ZNF469: variants seen among roughly 807,000 people sequenced by gnomAD.
The protein encoded by ZNF469 is zinc finger protein 469.
In ZNF469, 1 loss-of-function variant was observed where a neutral mutation model predicts 1.0. The ratio of observed to expected loss-of-function variants is 1.00; its 90% confidence interval spans 0.35 to 4.73. ZNF469 has a LOEUF of 4.73. Ranked by LOEUF, ZNF469 falls within the 30% of genes most tolerant of loss-of-function variation. ZNF469 has a pLI of 0.16. For synonymous variants in ZNF469, 2,703 were observed against 2,363.4 expected (o/e 1.14, Z -4.17); for missense variants, 6,100 against 5,356.3 (o/e 1.14, Z -4.33).
chr16:88,229,062 C>T, the ZNF469 span, among the ~76,000 whole-genome samples: 3 of 152,278 alleles, frequency 2.0e-5, no homozygotes, highest in South Asian at 4.2e-4. Flanking sequence ...ATCACCTCCC[C>T]GGGACTGCAG....
chr16:88,117,076 G>A, the ZNF469 span, among the ~76,000 whole-genome samples: 5 of 152,128 alleles, frequency 3.3e-5, no homozygotes, highest in Admixed American at 2.6e-4. Context: ...GTGTTGGCAC[G>A]CCTGATGCTC....
the ZNF469 span, among the ~76,000 whole-genome samples, chr16:88,291,491 C>T: frequency 9.8e-5 from 15 of 152,326 alleles, no homozygotes; most frequent in East Asian, 1.7e-3. Context: ...CTCGTCTCTT[C>T]GCATCGGGCA....
the ZNF469 span, among the ~76,000 whole-genome samples, chr16:88,193,057 A>G: frequency 0.021 from 1,320 of 62,648 alleles, 9 homozygotes; most frequent in East Asian, 0.067. Flanking sequence ...GATGATGGTG[A>G]TGGTGGTGAT....
Position 88,433,263 on chromosome 16 carries a change from C to T in ZNF469, c.5793C>T (p.Ser1931=). The change falls in exon 3 of 3, where the codon AGC becomes AGT. Residue 1931 remains serine, a synonymous_variant. Transcript: ENST00000565624. ...GLQELTPAAQ[S]PPRVNPSGLE... is the part of the protein sequence containing the mutation. ...AGGAGCTGACACCTGCTGCCCAGAG[C>T]CCTCCACGAGTGAACCCCTCAGGTC... 1 of 1,550,352 alleles carries T rather than the reference C, an allele frequency of 6.5e-7. No individual in the cohort carries two copies. Among genetic ancestry groups the T allele is most frequent in the Non-Finnish European group, 8.7e-7 (1 of 1,146,956 alleles).
chr16:88,404,031 CAAAGCCCCCCGA>C (rs959755615), intron 1 of ZNF469, among the ~76,000 whole-genome samples: 2 of 152,232 alleles, frequency 1.3e-5, no homozygotes, highest in Non-Finnish European at 2.9e-5. Context: ...CCAGGGGGCC[CAAAGCCCCCCGA>C]CTGGTCAGCT....
chr16:88,307,305 G>A, the ZNF469 span, among the ~76,000 whole-genome samples: 40 of 152,220 alleles, frequency 2.6e-4, no homozygotes, highest in Non-Finnish European at 2.6e-4. Flanking sequence ...ATGAACATTT[G>A]TGTACCCGTT....
At chr16:88,250,461 C>T in the ZNF469 span, among the ~76,000 whole-genome samples, 1,163 of 152,262 alleles carry the variant, frequency 7.6e-3, 7 homozygotes, top group Non-Finnish European at 0.01. Context: ...CTGTTGTCGA[C>T]GGATTTGTTT....
the ZNF469 span, among the ~76,000 whole-genome samples, chr16:88,164,244 T>C: frequency 1.4e-5 from 2 of 145,190 alleles, no homozygotes; most frequent in Admixed American, 6.7e-5. Flanking sequence ...AGTGGATGAA[T>C]AGTTGGGTAG....
At chr16:88,263,696 A>G in the ZNF469 span, among the ~76,000 whole-genome samples, 1 of 152,060 alleles carries the variant, frequency 6.6e-6, no homozygotes, top group African/African-American at 2.4e-5. Flanking sequence ...GAGGACCCGT[A>G]GCCCCTTGCA....
At chr16:88,415,107 C>T (rs933450242) in intron 1 of ZNF469, among the ~76,000 whole-genome samples, 12 of 152,226 alleles carry the variant, frequency 7.9e-5, no homozygotes, top group African/African-American at 2.9e-4. Flanking sequence ...CTCTGAGCCT[C>T]GGTTTCTCGT....
chr16:88,208,779 G>GCACACACA, the ZNF469 span, among the ~76,000 whole-genome samples: 3 of 133,702 alleles, frequency 2.2e-5, no homozygotes, highest in Non-Finnish European at 4.8e-5. Flanking sequence ...GCGTGCGCGC[G>GCACACACA]CACACACACA....
At chr16:88,399,992 AT>A (rs1904809102) in intron 1 of ZNF469, among the ~76,000 whole-genome samples, 1 of 152,202 alleles carries the variant, frequency 6.6e-6, no homozygotes, top group African/African-American at 2.4e-5. Flanking sequence ...TGGACTCCTC[AT>A]TGGGAAAATG....
chr16:88,430,616 A>G lies in ZNF469; in HGVS notation c.3146A>G (p.Glu1049Gly). 10 of 1,501,828 alleles carry G rather than the reference A, an allele frequency of 6.7e-6. No homozygotes were observed. Among genetic ancestry groups the G allele is most frequent in the Non-Finnish European group, 8.8e-6 (10 of 1,131,030 alleles). 93.0% of individuals were successfully genotyped at this position (1,501,828 alleles called of 1,614,324 possible). ...RKARGGAWGK[E>G]LILKIVQQKN... is the part of the protein sequence containing the mutation. ...GCTCGGGGCGGCGCCTGGGGCAAGG[A>G]GCTCATTCTGAAGATCGTGCAGCAG... The change falls in exon 3 of 3, where the codon GAG becomes GGG. Residue 1049 changes from glutamate (E) to glycine (G), a missense_variant. By Grantham distance (98) the Glu-to-Gly change is moderately conservative. Coordinates refer to ENST00000565624, the MANE Select transcript of ZNF469 (RefSeq NM_001367624.2).
At chr16:88,392,427 G>A (rs374966692) in intron 1 of ZNF469, among the ~76,000 whole-genome samples, 1 of 152,204 alleles carries the variant, frequency 6.6e-6, no homozygotes, top group Non-Finnish European at 1.5e-5. Flanking sequence ...TGTTTTCTCC[G>A]GGAAGCCACA....
the ZNF469 span, among the ~76,000 whole-genome samples, chr16:88,280,971 G>C: frequency 6.6e-6 from 1 of 152,202 alleles, no homozygotes; most frequent in South Asian, 2.1e-4. Context: ...TTAGTGCTGT[G>C]CCACACCGAT....
chr16:88,102,033 C>A, the ZNF469 span, among the ~76,000 whole-genome samples: 1 of 151,812 alleles, frequency 6.6e-6, no homozygotes, highest in Non-Finnish European at 1.5e-5. Context: ...AGCGACAGGC[C>A]GGCCTCAGAA....
chr16:88,353,702 G>A, the ZNF469 span, among the ~76,000 whole-genome samples: 1 of 152,228 alleles, frequency 6.6e-6, no homozygotes, highest in African/African-American at 2.4e-5. Flanking sequence ...TGGAAACAGG[G>A]GCCTTGCAGG....
At position 88,431,479 on chromosome 16, in the gene ZNF469, A is replaced by G; in HGVS notation, c.4009A>G (p.Thr1337Ala). The G allele has an allele frequency of 6.5e-7, 1 of 1,550,356 alleles. No homozygotes were observed. The highest frequency in any genetic ancestry group is 8.7e-7 in the Non-Finnish European group (1 of 1,146,980). The stretch of plus-strand genomic sequence containing the variant: ...GGCACCCGTGGCTAACCCCTCAAGT[A>G]CCGCCTGCCCCAAACCCAGTGTTCT... ...FLAPVANPSSTACPKPSVLSS... is the reference protein window; with the variant it reads ...FLAPVANPSSAACPKPSVLSS... The change falls in exon 3 of 3, where the codon ACC (threonine) becomes GCC (alanine). Residue 1337 changes from threonine to alanine, a missense_variant. Transcript: ENST00000565624.
the ZNF469 span, among the ~76,000 whole-genome samples, chr16:88,349,740 CACAAG>C: frequency 6.7e-6 from 1 of 149,508 alleles, no homozygotes; most frequent in Non-Finnish European, 1.5e-5. Context: ...ACACACCACA[CACAAG>C]TGCACACATG....
Sources: allele counts gnomAD v4.1 joint callset (sites outside exome capture counted in the v4.1 genomes callset), GRCh38; gene constraint gnomAD v4.1.1; transcripts MANE v1.5; gene names NCBI Gene and HGNC (gene_info 2026-07-23, HGNC 2026-07-21).